ELAVL2: variants seen among roughly 807,000 people sequenced by gnomAD.
ELAVL2 encodes the protein ELAV-like protein 2.
In ELAVL2, 4 loss-of-function variants were observed where a neutral mutation model predicts 34.6. The ratio of observed to expected loss-of-function variants is 0.12; its 90% CI spans 0.06 to 0.26. ELAVL2 has a LOEUF of 0.26. Among genes scored for constraint, ELAVL2 ranks in the 10% least tolerant of loss-of-function variants. The probability of loss-of-function intolerance (pLI) is 1.00; values close to 1 mark genes in which losing one functional copy is unlikely to be tolerated. For missense variants in ELAVL2, 432 were observed against 442.8 expected (o/e 0.98, Z 0.22); for synonymous variants, 193 against 154.8 (o/e 1.25, Z -1.83).
At chr9:23,760,500 A>G (rs2054719405) in intron 2 of ELAVL2, among the ~76,000 whole-genome samples, 1 of 152,074 alleles carries the variant, frequency 6.6e-6, no homozygotes, top group Non-Finnish European at 1.5e-5. Context: ...AAAAGATAAC[A>G]TGTTTAAAAC....
At chr9:23,736,906 C>T (rs2048033455) in intron 2 of ELAVL2, among the ~76,000 whole-genome samples, 1 of 152,140 alleles carries the variant, frequency 6.6e-6, no homozygotes, top group Admixed American at 6.5e-5. Flanking sequence ...CACATACACC[C>T]TAAAATGCAC....
At chr9:23,792,606 T>A (rs1035740375) in intron 1 of ELAVL2, among the ~76,000 whole-genome samples, 5 of 152,158 alleles carry the variant, frequency 3.3e-5, no homozygotes, top group African/African-American at 1.2e-4. Flanking sequence ...TCAAATACCA[T>A]CAATTGTATA....
chr9:23,737,192 A>C (rs563081228), intron 2 of ELAVL2, among the ~76,000 whole-genome samples: 1 of 152,350 alleles, frequency 6.6e-6, no homozygotes, highest in Admixed American at 6.5e-5. Context: ...CAGATCATTA[A>C]ATGTTCTGTG....
upstream of ELAVL2, among the ~76,000 whole-genome samples, chr9:23,826,992 G>T (rs1015472070): frequency 1.3e-5 from 2 of 152,180 alleles, no homozygotes; most frequent in Non-Finnish European, 1.5e-5. Context: ...AAATAAAGCT[G>T]CACGGTTTGA....
At chr9:23,821,858 G>A (rs939243156) in intron 1 of ELAVL2, 105 of 151,532 alleles carry the variant, frequency 6.9e-4, no homozygotes, top group African/African-American at 2.4e-3. Context: ...TAGCGGGGCG[G>A]GAAGGAGGGG....
At chr9:23,789,098 C>T (rs1454646146) in intron 1 of ELAVL2, among the ~76,000 whole-genome samples, 2 of 152,100 alleles carry the variant, frequency 1.3e-5, no homozygotes, top group African/African-American at 2.4e-5. Flanking sequence ...TTCCTTCTTA[C>T]CATTACAACT....
chr9:23,701,518 G>C lies in ELAVL2; in HGVS notation c.574C>G (p.Pro192Ala), dbSNP rs2037211192. The C allele has an allele frequency of 2.5e-6, 4 of 1,614,094 alleles. No individual in the cohort carries two copies. The highest frequency in any genetic ancestry group is 3.3e-5 in the Admixed American group (2 of 60,008). The change falls in exon 5 of 7, where the codon CCC becomes GCC. Residue 192 changes from proline (P) to alanine (A), a missense_variant. Pro to Ala is a conservative substitution (Grantham distance 27, BLOSUM62 -1). Coordinates refer to ENST00000397312, the MANE Select transcript of ELAVL2 (RefSeq NM_004432.5). The part of the protein sequence containing the change: ...AIKGLNGQKP[P>A]GATEPITVKF... The stretch of plus-strand genomic sequence containing the variant: ...ACAGTGATTGGCTCCGTGGCACCGG[G>C]AGGTTTCTGGCCATTTAGGCCTTTG...
chr9:23,709,750 C>T (rs1472810919), intron 3 of ELAVL2, among the ~76,000 whole-genome samples: 1 of 152,092 alleles, frequency 6.6e-6, no homozygotes, highest in Non-Finnish European at 1.5e-5. Flanking sequence ...ATTTTCACTG[C>T]CACTTAAACA....
At chr9:23,722,062 T>C (rs1241755983) in intron 3 of ELAVL2, among the ~76,000 whole-genome samples, 1 of 152,172 alleles carries the variant, frequency 6.6e-6, no homozygotes, top group Non-Finnish European at 1.5e-5. Context: ...AAGACACTTC[T>C]GGAAATAAAA....
intron 2 of ELAVL2, among the ~76,000 whole-genome samples, chr9:23,748,222 A>G (rs1446131898): frequency 3.0e-4 from 45 of 152,188 alleles, no homozygotes; most frequent in Non-Finnish European, 5.9e-5. Context: ...TGGAAGAACT[A>G]AAACTACAGA....
chr9:23,848,344 TA>T, the ELAVL2 span, among the ~76,000 whole-genome samples: 2 of 152,220 alleles, frequency 1.3e-5, no homozygotes, highest in Non-Finnish European at 2.9e-5. Flanking sequence ...TACTATATTC[TA>T]ATCTAAACTC....
At chr9:23,819,436 AGAG>A (rs1249281973) in intron 1 of ELAVL2, among the ~76,000 whole-genome samples, 1 of 152,210 alleles carries the variant, frequency 6.6e-6, no homozygotes. Context: ...GAGTGTCAAA[AGAG>A]TGGTAGACAC....
At chr9:23,792,631 T>C (rs1199176095) in intron 1 of ELAVL2, among the ~76,000 whole-genome samples, 7 of 152,222 alleles carry the variant, frequency 4.6e-5, no homozygotes, top group African/African-American at 1.4e-4. Flanking sequence ...CAGACCTTCA[T>C]TTAAGGGCCT....
chr9:23,772,534 C>CAACAAA (rs2057480816), intron 1 of ELAVL2, among the ~76,000 whole-genome samples: 1 of 67,658 alleles, frequency 1.5e-5, no homozygotes, highest in Non-Finnish European at 3.0e-5. Flanking sequence ...CAGCTTACAC[C>CAACAAA]AAAAAAAAAA....
At chr9:23,727,870 A>G (rs1450389968) in intron 3 of ELAVL2, among the ~76,000 whole-genome samples, 2 of 152,074 alleles carry the variant, frequency 1.3e-5, no homozygotes, top group African/African-American at 4.8e-5. Context: ...AGAAACTGCT[A>G]AATAAACCAC....
intron 2 of ELAVL2, among the ~76,000 whole-genome samples, chr9:23,745,385 C>A (rs1448641538): frequency 1.3e-5 from 2 of 152,204 alleles, no homozygotes; most frequent in South Asian, 2.1e-4. Flanking sequence ...CCTGCCCTAC[C>A]CACCACCATC....
At chr9:23,801,884 T>C (rs2061606370) in intron 1 of ELAVL2, among the ~76,000 whole-genome samples, 1 of 152,048 alleles carries the variant, frequency 6.6e-6, no homozygotes, top group Non-Finnish European at 1.5e-5. Context: ...GCGCTGCAAA[T>C]AGGAATTGAC....
chr9:23,814,314 A>G (rs2063414289), intron 1 of ELAVL2, among the ~76,000 whole-genome samples: 2 of 152,148 alleles, frequency 1.3e-5, no homozygotes. Flanking sequence ...CCCAAGCAGG[A>G]TAAGAAAATA....
At chr9:23,751,078 A>C (rs2051874138) in intron 2 of ELAVL2, among the ~76,000 whole-genome samples, 1 of 152,162 alleles carries the variant, frequency 6.6e-6, no homozygotes, top group Admixed American at 6.6e-5. Context: ...ACAAGGTAAT[A>C]AACATTCAAG....
Sources: gnomAD v4.1 joint callset for allele counts (sites outside exome capture counted in the v4.1 genomes callset) on GRCh38, gnomAD v4.1.1 for gene constraint, MANE v1.5 for transcripts, NCBI Gene and HGNC (gene_info 2026-07-23, HGNC 2026-07-21) for gene names.